SLC20A2: variants seen among roughly 807,000 people sequenced by gnomAD.
SLC20A2 encodes the protein solute carrier family 20 member 2.
A neutral mutation model predicts 61.0 loss-of-function variants in SLC20A2; 30 were observed. The observed-to-expected ratio is 0.49, with a 90% CI of 0.37 to 0.67. The LOEUF (loss-of-function observed/expected upper bound fraction) is 0.67. Ranked by LOEUF, SLC20A2 falls within the 30% of genes least tolerant of loss-of-function variation. The probability of loss-of-function intolerance (pLI) is 0.00; values close to 1 mark genes in which losing one functional copy is unlikely to be tolerated. For synonymous variants in SLC20A2, 351 were observed against 353.3 expected, an observed-to-expected ratio of 0.99 and a Z score of 0.07; for missense variants, 626 against 866.4, an observed-to-expected ratio of 0.72 and a Z score of 3.48.
At chr8:42,523,098 C>T (rs1286118839) in intron 1 of SLC20A2, among the ~76,000 whole-genome samples, 3 of 151,936 alleles carry the variant, frequency 2.0e-5, no homozygotes, top group South Asian at 2.1e-4. Context: ...TTTGAGAGGC[C>T]GAGGCGGGCA....
At chr8:42,512,549 C>G (rs1811092155) in intron 1 of SLC20A2, among the ~76,000 whole-genome samples, 1 of 152,086 alleles carries the variant, frequency 6.6e-6, no homozygotes, top group Admixed American at 6.6e-5. Context: ...TGGGGTTTCA[C>G]CATATTGGCT....
rs557237374 is a variant in SLC20A2, at chr8:42,467,921, C to CTT, written c.290-2006_290-2005dup. 3.8e-3 allele frequency among the ~76,000 whole-genome samples: 551 copies of CTT among 144,302 alleles called. 2 individuals are homozygous for CTT. Among genetic ancestry groups the CTT allele is most frequent in the African/African-American group, 0.013 (525 of 39,506 alleles). 94.7% of individuals were successfully genotyped at this position (144,302 alleles called of 152,430 possible). Reference sequence around the variant, plus strand: ...GAAAATACATGATATGGTTTATATTCTTTTTTTTTTTTTTAGACGGGGTCT... The same window carrying CTT: ...GAAAATACATGATATGGTTTATATTCTTTTTTTTTTTTTTTTAGACGGGGTCT... On this transcript the variant is annotated intron_variant, in intron 2 of 10. Coordinates refer to ENST00000520262, the MANE Select transcript of SLC20A2 (RefSeq NM_001257180.2).
At chr8:42,455,306 C>A (rs894594373) in intron 5 of SLC20A2, among the ~76,000 whole-genome samples, 2 of 147,902 alleles carry the variant, frequency 1.4e-5, no homozygotes, top group Non-Finnish European at 3.0e-5. Context: ...TGCGCATGCA[C>A]TCCAGGTTCC....
intron 1 of SLC20A2, among the ~76,000 whole-genome samples, chr8:42,512,210 C>T (rs1811070529): frequency 6.6e-6 from 1 of 152,052 alleles, no homozygotes; most frequent in South Asian, 2.1e-4. Flanking sequence ...TGACTCAGAT[C>T]TGTTTTTTAA....
intron 5 of SLC20A2, among the ~76,000 whole-genome samples, chr8:42,454,035 G>A (rs573669938): frequency 9.9e-5 from 15 of 152,070 alleles, no homozygotes; most frequent in South Asian, 6.2e-4. Flanking sequence ...ACAGAGTCTC[G>A]CTCTGTCTCC....
At chr8:42,480,127 A>C (rs1808447805) in intron 1 of SLC20A2, among the ~76,000 whole-genome samples, 1 of 152,216 alleles carries the variant, frequency 6.6e-6, no homozygotes, top group Non-Finnish European at 1.5e-5. Context: ...TAGCCACTAC[A>C]ATGATGTAAC....
At chr8:42,526,928 A>AC (rs1162128497) in intron 1 of SLC20A2, among the ~76,000 whole-genome samples, 2 of 151,564 alleles carry the variant, frequency 1.3e-5, no homozygotes, top group African/African-American at 4.9e-5. Context: ...ACATAGCAGG[A>AC]CCCCGCCTTT....
chr8:42,439,244 G>T (rs1433783848), intron 7 of SLC20A2, among the ~76,000 whole-genome samples: 1 of 152,218 alleles, frequency 6.6e-6, no homozygotes, highest in African/African-American at 2.4e-5. Flanking sequence ...GCTCTTGGAA[G>T]AAATCACAGG....
At chr8:42,471,103 C>A in intron 2 of SLC20A2, 1 of 454,260 alleles carries the variant, frequency 2.2e-6, no homozygotes, top group Non-Finnish European at 4.4e-6. Context: ...GAGGATATGT[C>A]CTGTTGAAAG....
intron 1 of SLC20A2, among the ~76,000 whole-genome samples, chr8:42,478,339 G>A (rs1808310132): frequency 6.7e-6 from 1 of 149,600 alleles, no homozygotes; most frequent in Non-Finnish European, 1.5e-5. Flanking sequence ...AGCCTCCCCA[G>A]TAGCCAGGAT....
intron 1 of SLC20A2, among the ~76,000 whole-genome samples, chr8:42,485,244 C>T (rs1005145707): frequency 3.3e-5 from 5 of 152,098 alleles, no homozygotes; most frequent in Admixed American, 6.5e-5. Context: ...GGTACACTCA[C>T]GGGGTAATGG....
chr8:42,452,183 TAGGAGGAGGAGGAAGAGATGG>T (rs1390258992), intron 5 of SLC20A2, among the ~76,000 whole-genome samples: 2 of 56,982 alleles, frequency 3.5e-5, no homozygotes, highest in African/African-American at 7.8e-5. Context: ...GAGGAAGAGA[TAGGAGGAGGAGGAAGAGATGG>T]AGGAGGAGGA....
chr8:42,507,945 A>G (rs1208368112), intron 1 of SLC20A2, among the ~76,000 whole-genome samples: 1 of 152,050 alleles, frequency 6.6e-6, no homozygotes, highest in Non-Finnish European at 1.5e-5. Context: ...GGATCACCTG[A>G]GGTCAGGAGT....
intron 7 of SLC20A2, 107 bp downstream of exon 7, chr8:42,439,343 T>A (rs752148286): frequency 5.0e-6 from 5 of 1,004,324 alleles, no homozygotes; most frequent in African/African-American, 1.6e-5. Flanking sequence ...AACTGGGGGA[T>A]CCTTTTGTGC....
chr8:42,523,080 C>A (rs7832886), intron 1 of SLC20A2, among the ~76,000 whole-genome samples: 59,243 of 151,940 alleles, frequency 0.39, 13,252 homozygotes, highest in Non-Finnish European at 0.49. Flanking sequence ...TGCCTGCAAT[C>A]CCAGCACTTT....
At chr8:42,495,472 A>T (rs1382195674) in intron 1 of SLC20A2, among the ~76,000 whole-genome samples, 1 of 152,216 alleles carries the variant, frequency 6.6e-6, no homozygotes, top group Non-Finnish European at 1.5e-5. Context: ...ATCTCTGTAC[A>T]GACACCATGT....
chr8:42,531,805 T>C (rs1812337094), intron 1 of SLC20A2, among the ~76,000 whole-genome samples: 1 of 151,444 alleles, frequency 6.6e-6, no homozygotes, highest in Non-Finnish European at 1.5e-5. Context: ...ATTTACAAGA[T>C]TAAGTCTCTG....
At chr8:42,527,521 TAACCCTAGCACTTTGGGGGGCTGAGG>T (rs1199344778) in intron 1 of SLC20A2, among the ~76,000 whole-genome samples, 2 of 152,172 alleles carry the variant, frequency 1.3e-5, no homozygotes, top group African/African-American at 4.8e-5. Flanking sequence ...CTCACACCTG[TAACCCTAGCACTTTGGGGGGCTGAGG>T]AGGGCGGATC....
At chr8:42,445,612 A>C (rs1805150533) in intron 5 of SLC20A2, among the ~76,000 whole-genome samples, 1 of 152,198 alleles carries the variant, frequency 6.6e-6, no homozygotes, top group South Asian at 2.1e-4. Context: ...CTGTAATCAC[A>C]GCTACTCAGG....
Sources: allele counts gnomAD v4.1 joint callset (sites outside exome capture counted in the v4.1 genomes callset), GRCh38; gene constraint gnomAD v4.1.1; transcripts MANE v1.5; gene names NCBI Gene and HGNC (gene_info 2026-07-23, HGNC 2026-07-21).